Variants in ROBO2 observed in about 807,000 individuals in gnomAD.
ROBO2 encodes roundabout homolog 2.
ROBO2 carries 53 observed loss-of-function variants against 160.8 expected under a neutral mutation model. That is an observed-to-expected ratio of 0.33 (90% CI 0.26 to 0.41). The LOEUF (loss-of-function observed/expected upper bound fraction) is 0.41. Among genes scored for constraint, ROBO2 ranks in the 10% least tolerant of loss-of-function variants. The pLI is 1.00. For missense variants in ROBO2, 1,577 were observed against 1,722.4 expected (o/e 0.92, Z 1.49); for synonymous variants, 664 against 611.7 (o/e 1.09, Z -1.26).
At chr3:76,661,645 C>G (rs910562888) in intron 2 of ROBO2, among the ~76,000 whole-genome samples, 1 of 152,066 alleles carries the variant, frequency 6.6e-6, no homozygotes, top group African/African-American at 2.4e-5. Flanking sequence ...AGAGTTGTTT[C>G]GTCCAAAGAG....
intron 2 of ROBO2, among the ~76,000 whole-genome samples, chr3:76,108,564 G>A (rs1433604728): frequency 1.3e-5 from 2 of 151,402 alleles, no homozygotes; most frequent in Non-Finnish European, 2.9e-5. Flanking sequence ...TCTATACTAT[G>A]GATACTTTTC....
intron 21 of ROBO2, among the ~76,000 whole-genome samples, chr3:77,613,793 T>C (rs1382932166): frequency 6.6e-6 from 1 of 152,166 alleles, no homozygotes; most frequent in African/African-American, 2.4e-5. Flanking sequence ...AAAAGTTAAA[T>C]ACTAAAATAA....
In ROBO2 at chr3:76,014,234, T is replaced by TG. The variant is rs766044217; in HGVS notation, c.109+76634dup. Among the ~76,000 whole-genome samples the TG allele has an allele frequency of 2.8e-4, 31 of 109,312 alleles. 1 individual carries two copies. The highest frequency in any genetic ancestry group is 3.8e-4 in the Non-Finnish European group (21 of 55,002). The allele number at this position is 109,312 out of a possible 152,430, so 71.7% of individuals were successfully genotyped here. On this transcript the variant is annotated intron_variant, in intron 2 of 26. Coordinates refer to the ROBO2 transcript ENST00000487694. ...AATATGTATAAAGGCATTTGACGGCTGGCACGGTGGCTTATGCGTGTAATC... is the reference window on the plus strand; with the variant it reads ...AATATGTATAAAGGCATTTGACGGCTGGGCACGGTGGCTTATGCGTGTAATC...
chr3:77,402,254 G>A (rs1200799339), intron 2 of ROBO2, among the ~76,000 whole-genome samples: 2 of 152,020 alleles, frequency 1.3e-5, no homozygotes, highest in South Asian at 2.1e-4. Context: ...CATGGACACA[G>A]GGAGGGGAAC....
chr3:76,008,367 G>A (rs2066091492), intron 2 of ROBO2, among the ~76,000 whole-genome samples: 1 of 151,662 alleles, frequency 6.6e-6, no homozygotes, highest in Non-Finnish European at 1.5e-5. Flanking sequence ...TTAAAAGAAA[G>A]CACAGTGATC....
intron 2 of ROBO2, among the ~76,000 whole-genome samples, chr3:76,373,446 A>T (rs113884961): frequency 2.6e-5 from 4 of 152,068 alleles, no homozygotes; most frequent in South Asian, 2.1e-4. Flanking sequence ...CATAATTTGG[A>T]TGGACAGTTT....
At chr3:76,817,463 A>G (rs1014475878) in intron 2 of ROBO2, among the ~76,000 whole-genome samples, 4 of 152,118 alleles carry the variant, frequency 2.6e-5, no homozygotes, top group African/African-American at 9.7e-5. Context: ...GTAAAGAGTG[A>G]TAATGAAACA....
intron 2 of ROBO2, among the ~76,000 whole-genome samples, chr3:76,569,978 G>T (rs1328882561): frequency 2.0e-5 from 3 of 151,918 alleles, no homozygotes; most frequent in Non-Finnish European, 4.4e-5. Context: ...TAAAAATAAT[G>T]ATAATAATTA....
intron 2 of ROBO2, among the ~76,000 whole-genome samples, chr3:76,727,037 G>T (rs138844514): frequency 6.6e-6 from 1 of 152,096 alleles, no homozygotes; most frequent in Admixed American, 6.5e-5. Context: ...CATTTCTTTG[G>T]TCTGTGCTAA....
intron 2 of ROBO2, among the ~76,000 whole-genome samples, chr3:76,339,536 A>C (rs1332297686): frequency 6.6e-6 from 1 of 151,990 alleles, no homozygotes; most frequent in African/African-American, 2.4e-5. Context: ...CTCTTTCAAG[A>C]ACTCTGAACA....
Position 77,039,990 on chromosome 3 carries a change from G to C in ROBO2, c.-796G>C, listed in dbSNP as rs9835983. The C allele has an allele frequency of 3.3e-3, 1,885 of 567,406 alleles. 45 individuals carry two copies. In the African/African-American group the frequency reaches 0.036, roughly 11 times the overall value. 35.1% of individuals were successfully genotyped at this position (567,406 alleles called of 1,614,324 possible). A position where few individuals can be genotyped will look rare whatever the true frequency, so the allele number is the denominator to read the frequency against. On this transcript the variant is annotated 5_prime_UTR_variant, in exon 1 of 26. Transcript: ENST00000461745. ...TCTCTGCTCGCGCCCGCAGCCGCCTGGTGCACTATCCTCAGAGGCGGCACC... is the reference window on the plus strand; with the variant it reads ...TCTCTGCTCGCGCCCGCAGCCGCCTCGTGCACTATCCTCAGAGGCGGCACC...
intron 2 of ROBO2, among the ~76,000 whole-genome samples, chr3:77,189,025 T>C (rs1456992182): frequency 1.3e-5 from 2 of 150,518 alleles, no homozygotes; most frequent in Admixed American, 1.3e-4. Flanking sequence ...TGATTCAAAA[T>C]ACAGAACTTT....
intron 2 of ROBO2, among the ~76,000 whole-genome samples, chr3:76,380,106 T>G (rs1306889312): frequency 6.6e-6 from 1 of 151,984 alleles, no homozygotes; most frequent in Non-Finnish European, 1.5e-5. Flanking sequence ...TTTTGGTGGG[T>G]TTTTGGAATA....
At chr3:77,598,487 G>GTGTATATA (rs1553690586) in intron 19 of ROBO2, among the ~76,000 whole-genome samples, 3 of 136,942 alleles carry the variant, frequency 2.2e-5, no homozygotes, top group Admixed American at 1.5e-4. Context: ...TATATAGTGT[G>GTGTATATA]TATATATATA....
chr3:76,027,024 A>C (rs1283776763), intron 2 of ROBO2, among the ~76,000 whole-genome samples: 1 of 151,928 alleles, frequency 6.6e-6, no homozygotes, highest in Non-Finnish European at 1.5e-5. Flanking sequence ...TACTGATGCA[A>C]AGAAAGCCCA....
At chr3:76,693,007 TATATACAC>T (rs1261326760) in intron 2 of ROBO2, among the ~76,000 whole-genome samples, 1 of 149,268 alleles carries the variant, frequency 6.7e-6, no homozygotes, top group Non-Finnish European at 1.5e-5. Flanking sequence ...TATATGTATG[TATATACAC>T]ATATGTGTAT....
At chr3:77,250,572 T>C (rs932842879) in intron 2 of ROBO2, among the ~76,000 whole-genome samples, 7 of 152,348 alleles carry the variant, frequency 4.6e-5, no homozygotes, top group African/African-American at 1.7e-4. Flanking sequence ...TTCCCCGGAA[T>C]CACACATCCA....
intron 2 of ROBO2, among the ~76,000 whole-genome samples, chr3:75,988,142 A>C (rs2065464838): frequency 6.6e-6 from 1 of 152,088 alleles, no homozygotes; most frequent in Admixed American, 6.6e-5. Flanking sequence ...ATAATTCAGC[A>C]GTGAAGCTGT....
intron 2 of ROBO2, among the ~76,000 whole-genome samples, chr3:76,582,250 C>T (rs187538347): frequency 2.6e-5 from 4 of 152,236 alleles, no homozygotes; most frequent in Admixed American, 2.0e-4. Context: ...ATAAGATTGA[C>T]CCTTCAAATC....
Sources: gnomAD v4.1 joint callset for allele counts (sites outside exome capture counted in the v4.1 genomes callset) on GRCh38, gnomAD v4.1.1 for gene constraint, MANE v1.5 for transcripts, NCBI Gene and HGNC (gene_info 2026-07-23, HGNC 2026-07-21) for gene names.